Variants in SMG6 observed in about 807,000 individuals in gnomAD.
The protein encoded by SMG6 is SMG6 nonsense mediated mRNA decay factor, also known as telomerase-binding protein EST1A.
SMG6 carries 66 observed loss-of-function variants against 142.2 expected under a neutral mutation model. The ratio of observed to expected loss-of-function variants is 0.46; its 90% CI spans 0.38 to 0.57. The LOEUF is 0.57. SMG6 is among the 20% of genes least tolerant of loss of function. The probability of loss-of-function intolerance (pLI) is 0.00; values close to 1 mark genes in which losing one functional copy is unlikely to be tolerated. For missense variants in SMG6, 1,793 were observed against 1,832.0 expected (o/e 0.98, Z 0.39); for synonymous variants, 779 against 702.4 (o/e 1.11, Z -1.72).
chr17:2,299,666 A>C lies in SMG6; in HGVS notation c.1087T>G (p.Ser363Ala), dbSNP rs775255409. The change falls in exon 2 of 19, where the codon TCT (serine) becomes GCT (alanine). Residue 363 changes from serine to alanine, a missense_variant. Ser to Ala is a moderately conservative substitution (Grantham distance 99). Around this residue, in one of 3 missense-constraint regions of SMG6, gnomAD observed 1,597 missense variants for 1,584.6 expected, o/e 1.01. Coordinates refer to ENST00000263073, the MANE Select transcript of SMG6 (RefSeq NM_017575.5). This position sits in a 1 kb window ranked among gnomAD's most constrained non-coding sequence, Gnocchi z 4.3. ...TFDAEAMNKE[S>A]PMVRSARDDM... ...TCCCTGGCTGACCTCACCATGGGAG[A>C]CTCTTTGTTCATGGCTTCTGCATCG... 7.4e-6 allele frequency: 12 copies of C among 1,613,678 alleles called. No individual in the cohort carries two copies. The highest frequency in any genetic ancestry group is 1.0e-5 in the Non-Finnish European group (12 of 1,179,972).
chr17:2,170,959 G>C (rs77273633), intron 13 of SMG6, among the ~76,000 whole-genome samples: 2,890 of 152,246 alleles, frequency 0.019, 54 homozygotes, highest in South Asian at 0.065. Context: ...TATTAAAAAT[G>C]TTAGGAAAAA....
rs116475180 is a variant in SMG6 at position 2,067,153 on chromosome 17, C to T, written c.3836-1474G>A. ...ACTGTCAGTTCCCAGCACCCTTAGG[C>T]GTCGTCTCTTTGTCCTGCATGTATC... On this transcript the variant is annotated intron_variant, in intron 16 of 18. Transcript: ENST00000263073. Among the ~76,000 whole-genome samples the T allele has an allele frequency of 3.3e-3, 509 of 152,284 alleles. 4 individuals are homozygous for T. Among genetic ancestry groups the T allele is most frequent in the African/African-American group, 0.011 (458 of 41,542 alleles).
At chr17:2,139,554 TG>T (rs1188227488) in intron 13 of SMG6, among the ~76,000 whole-genome samples, 1 of 151,732 alleles carries the variant, frequency 6.6e-6, no homozygotes, top group Non-Finnish European at 1.5e-5. Context: ...CCCAAGGAGC[TG>T]GGATCACAGG....
chr17:2,293,922 C>G (rs2075093865), intron 4 of SMG6, among the ~76,000 whole-genome samples: 1 of 152,216 alleles, frequency 6.6e-6, no homozygotes. Context: ...TATGTGTTTT[C>G]TCACTGATTG....
chr17:2,175,914 A>T (rs1469449687), intron 12 of SMG6, among the ~76,000 whole-genome samples: 3 of 152,152 alleles, frequency 2.0e-5, no homozygotes, highest in Admixed American at 6.5e-5. Context: ...CTCAGTTCAC[A>T]TTCATATCAT....
intron 13 of SMG6, among the ~76,000 whole-genome samples, chr17:2,136,595 G>T (rs77281416): frequency 6.6e-6 from 1 of 151,956 alleles, no homozygotes; most frequent in South Asian, 2.1e-4. Context: ...ACACACACAC[G>T]CATACGCACA....
chr17:2,087,778 A>T, intron 13 of SMG6: 7 of 985,978 alleles, frequency 7.1e-6, no homozygotes, highest in South Asian at 4.7e-5. Flanking sequence ...GGCAGGCAGC[A>T]CGCACAGTGG....
chr17:2,144,567 T>C (rs2070601808), intron 13 of SMG6, among the ~76,000 whole-genome samples: 1 of 151,674 alleles, frequency 6.6e-6, no homozygotes, highest in South Asian at 2.1e-4. Flanking sequence ...ACTTTAAGTA[T>C]ATTAAAGGCT....
intron 13 of SMG6, chr17:2,086,967 CCTCA>C: frequency 2.4e-6 from 3 of 1,273,032 alleles, no homozygotes; most frequent in Non-Finnish European, 3.1e-6. Flanking sequence ...GCCCCTTCAT[CCTCA>C]CTGACTAGCC....
At chr17:2,195,670 T>C (rs1296886498) in intron 10 of SMG6, among the ~76,000 whole-genome samples, 2 of 152,220 alleles carry the variant, frequency 1.3e-5, no homozygotes, top group African/African-American at 4.8e-5. Context: ...TAAGACATTT[T>C]GAGACCTATG....
At position 2,283,608 on chromosome 17, in the gene SMG6, G is replaced by A. The variant is rs757627775; in HGVS notation, c.2448+17C>T. 2 of 1,591,608 alleles carry A rather than the reference G, an allele frequency of 1.3e-6. No homozygotes were observed. Among genetic ancestry groups the A allele is most frequent in the South Asian group, 1.1e-5 (1 of 90,626 alleles). Reference sequence around the variant, plus strand: ...CACTATTCGAGGAAGGAAGGGTTCTGCCACATCCCCACTCACCTTCCGCTT... The same window carrying A: ...CACTATTCGAGGAAGGAAGGGTTCTACCACATCCCCACTCACCTTCCGCTT... On this transcript the variant is annotated intron_variant, in intron 7 of 18. Transcript: ENST00000263073.
At chr17:2,167,824 A>G (rs1161155971) in intron 13 of SMG6, among the ~76,000 whole-genome samples, 1 of 152,238 alleles carries the variant, frequency 6.6e-6, no homozygotes, top group Admixed American at 6.5e-5. Flanking sequence ...TACATTTCCT[A>G]GTAATGAACA....
intron 10 of SMG6, among the ~76,000 whole-genome samples, chr17:2,223,079 C>T (rs578175895): frequency 2.6e-5 from 4 of 152,256 alleles, no homozygotes; most frequent in South Asian, 2.1e-4. Flanking sequence ...GTGATTTATT[C>T]GACCCTGCCA....
chr17:2,153,722 G>T (rs574913978), intron 13 of SMG6, among the ~76,000 whole-genome samples: 1 of 145,390 alleles, frequency 6.9e-6, no homozygotes, highest in Non-Finnish European at 1.5e-5. Context: ...TGTAGAGTGT[G>T]ACGGTGACGG....
chr17:2,258,639 C>T (rs1032018954), intron 8 of SMG6, among the ~76,000 whole-genome samples: 19 of 149,016 alleles, frequency 1.3e-4, no homozygotes, highest in African/African-American at 3.0e-4. Context: ...CTTGTTTCTA[C>T]GAAAAAATAA....
At chr17:2,087,579 T>C in intron 13 of SMG6, 2 of 1,003,388 alleles carry the variant, frequency 2.0e-6, no homozygotes, top group Non-Finnish European at 2.4e-6. Flanking sequence ...TAGAAAAAGT[T>C]CAGCCCCTTG....
intron 9 of SMG6, among the ~76,000 whole-genome samples, chr17:2,244,196 G>A (rs1261803698): frequency 6.6e-6 from 1 of 152,218 alleles, no homozygotes; most frequent in Non-Finnish European, 1.5e-5. Flanking sequence ...AGGAATCTGA[G>A]CATAGGAGGA....
At chr17:2,195,619 A>G (rs1043767214) in intron 10 of SMG6, among the ~76,000 whole-genome samples, 10 of 152,210 alleles carry the variant, frequency 6.6e-5, no homozygotes, top group Non-Finnish European at 1.2e-4. Flanking sequence ...TTTGGATCTA[A>G]CCATGAATGA....
intron 1 of SMG6, 30 bp from the exon 2 acceptor site, chr17:2,300,694 G>A: frequency 1.3e-6 from 2 of 1,527,170 alleles, no homozygotes; most frequent in South Asian, 1.3e-5. Flanking sequence ...GTTTGGGAGG[G>A]AAAGGTAGAA....
Sources: allele counts gnomAD v4.1 joint callset (sites outside exome capture counted in the v4.1 genomes callset), GRCh38; gene constraint gnomAD v4.1.1; regional missense constraint gnomAD v4.1.1; non-coding constraint Gnocchi (gnomAD v3.1); transcripts MANE v1.5; gene names NCBI Gene and HGNC (gene_info 2026-07-23, HGNC 2026-07-21).